The following ZNF333 variants were observed in gnomAD, a reference collection of about 807,000 sequenced individuals.
ZNF333 encodes zinc finger protein 333.
A neutral mutation model predicts 76.1 loss-of-function variants in ZNF333; 61 were observed. The ratio of observed to expected loss-of-function variants is 0.80; its 90% confidence interval spans 0.65 to 0.99. The LOEUF (loss-of-function observed/expected upper bound fraction) is 0.99. Among genes scored for constraint, ZNF333 ranks in the 50% least tolerant of loss-of-function variants. The pLI is 0.00. For synonymous variants in ZNF333, 284 were observed against 305.0 expected, an observed-to-expected ratio of 0.93 and a Z score of 0.72; for missense variants, 717 against 822.4, an observed-to-expected ratio of 0.87 and a Z score of 1.57.
intron 11 of ZNF333, among the ~76,000 whole-genome samples, chr19:14,730,716 G>C (rs2042663558): frequency 6.6e-6 from 1 of 152,008 alleles, no homozygotes; most frequent in African/African-American, 2.4e-5. Context: ...TGTTACAAGA[G>C]TATATTGCAT....
intron 7 of ZNF333, among the ~76,000 whole-genome samples, chr19:14,710,181 A>G (rs2146994222): frequency 6.6e-6 from 1 of 152,332 alleles, no homozygotes; most frequent in East Asian, 1.9e-4. Context: ...ACCTTGGCCC[A>G]TGTTCTAAGC....
chr19:14,730,266 G>A (rs1245726590), intron 11 of ZNF333, among the ~76,000 whole-genome samples: 1 of 152,058 alleles, frequency 6.6e-6, no homozygotes, highest in Non-Finnish European at 1.5e-5. Flanking sequence ...TGTTGGTCAG[G>A]CTGGTCTTGA....
At chr19:14,733,705 G>A (rs1199400447) in exon 12 of ZNF333, 1 of 152,238 alleles carries the variant, frequency 6.6e-6, no homozygotes, top group Non-Finnish European at 1.5e-5. Context: ...CCCCTCTCAG[G>A]TGTGTTTTCT....
intron 8 of ZNF333, 99 bp downstream of exon 8, chr19:14,715,569 C>T (rs948124318): frequency 5.0e-6 from 6 of 1,188,580 alleles, no homozygotes; most frequent in African/African-American, 3.0e-5. Context: ...TAGGGTTGGT[C>T]TCCATGCTTT....
At chr19:14,696,041 C>T (rs1973162188) in intron 4 of ZNF333, among the ~76,000 whole-genome samples, 1 of 152,078 alleles carries the variant, frequency 6.6e-6, no homozygotes, top group Non-Finnish European at 1.5e-5. Flanking sequence ...TGTGATGGTG[C>T]ACACCTGTAA....
rs529299145 is a variant in ZNF333 at position 14,698,264 on chromosome 19, C to G, written c.224-935C>G. 1.2e-3 allele frequency among the ~76,000 whole-genome samples: 186 copies of G among 151,474 alleles called. 1 individual carries two copies. The highest frequency in any genetic ancestry group is 8.1e-3 in the South Asian group (39 of 4,798). On this transcript the variant is annotated intron_variant, in intron 4 of 11. Coordinates refer to ENST00000292530, the MANE Select transcript of ZNF333 (RefSeq NM_032433.4). ...TGGTGCGCGCCTGTAATCCCAGCTA[C>G]TCAGGAGGTTGAGACACTAGAATCA...
chr19:14,694,076 G>T (rs987449093), intron 2 of ZNF333, among the ~76,000 whole-genome samples: 2 of 151,978 alleles, frequency 1.3e-5, no homozygotes, highest in Non-Finnish European at 2.9e-5. Flanking sequence ...AGCCACATGT[G>T]CTGGTAGCCC....
chr19:14,717,119 G>T lies in ZNF333; in HGVS notation c.823+30G>T, dbSNP rs755612817. The T allele has an allele frequency of 2.5e-6, 4 of 1,569,350 alleles. No individual in the cohort carries two copies. In the South Asian group the frequency reaches 4.6e-5, roughly 18 times the overall value. The stretch of plus-strand genomic sequence containing the variant: ...GCCCAGGCAGATCAGGTGAGCATCA[G>T]CTCTGGTCAGTAAGGGGAGTGTCCA... On this transcript the variant is annotated intron_variant, in intron 10 of 11. Transcript: ENST00000292530.
In ZNF333 at chr19:14,717,078, A is replaced by T; in HGVS notation, c.812A>T (p.Asp271Val). The T allele has an allele frequency of 6.2e-7, 1 of 1,606,216 alleles. No homozygotes were observed. Among genetic ancestry groups the T allele is most frequent in the Non-Finnish European group, 8.5e-7 (1 of 1,175,462 alleles). Residue 271 changes from aspartate (D) to valine (V), a missense_variant, in exon 10 of 12, where the codon GAC (aspartate) becomes GTC (valine). By Grantham distance (152) the Asp-to-Val change is radical. Transcript: ENST00000292530. ...QWTTDRGVLS[D>V]TCAEPQCQPQ... ...ACCACTGACAGGGGCGTCCTCTCAG[A>T]CACCTGTGCAGGTGAGCCCAGGCAG...
In ZNF333 at chr19:14,720,926, TTAAA is replaced by T; in HGVS notation, c.*1604_*1607del. ...ATATATATGTTTTGAAGCAATGAAA[TTAAA>T]TATAGATACTGACATTTTTTACATT... On this transcript the variant is annotated 3_prime_UTR_variant, in exon 12 of 12. Transcript: ENST00000292530. The T allele has an allele frequency of 2.2e-6, 2 of 893,214 alleles. No individual in the cohort carries two copies. Among genetic ancestry groups the T allele is most frequent in the Non-Finnish European group, 2.7e-6 (2 of 747,338 alleles). The allele number at this position is 893,214 out of a possible 1,614,324, so 55.3% of individuals were successfully genotyped here.
At chr19:14,729,710 G>C (rs1328273575) in intron 11 of ZNF333, among the ~76,000 whole-genome samples, 1 of 152,114 alleles carries the variant, frequency 6.6e-6, no homozygotes, top group Non-Finnish European at 1.5e-5. Context: ...GTAGAGCATG[G>C]TGACTATAGT....
chr19:14,695,563 C>CAGGA lies in ZNF333; in HGVS notation c.128-1_130dup, dbSNP rs775924230. 5 of 1,614,004 alleles carry CAGGA rather than the reference C, an allele frequency of 3.1e-6. No individual in the cohort carries two copies. The South Asian group carries it at 5.5e-5, about 18-fold the overall frequency. On this transcript the variant is annotated splice_polypyrimidine_tract_variant and splice_region_variant and intron_variant, in intron 3 of 11. Coordinates refer to ENST00000292530, the MANE Select transcript of ZNF333 (RefSeq NM_032433.4). ...CAGTGCCTGTGTCTTTCTTCATGTG[C>CAGGA]AGGAACTCCACCATGCAAACCCAGT...
chr19:14,696,408 A>G (rs961505763), intron 4 of ZNF333, among the ~76,000 whole-genome samples: 1 of 152,236 alleles, frequency 6.6e-6, no homozygotes, highest in East Asian at 1.9e-4. Context: ...ATTGTCCTAT[A>G]TAGACATTTG....
In ZNF333 at chr19:14,710,963, C is replaced by CG. The variant is rs144148699; in HGVS notation, c.511+4195dup. 3.8e-3 allele frequency among the ~76,000 whole-genome samples: 534 copies of CG among 138,826 alleles called. 13 individuals are homozygous for CG. The East Asian group carries it at 0.071, about 19-fold the overall frequency. 91.1% of individuals were successfully genotyped at this position (138,826 alleles called of 152,430 possible). A position where few individuals can be genotyped will look rare whatever the true frequency, so the allele number is the denominator to read the frequency against. On this transcript the variant is annotated intron_variant, in intron 7 of 11. Transcript: ENST00000292530. ...CACATGGTGAGGGAGGAAGCAGGAG[C>CG]GGGGGCAGTGGGGGAGGGAAGGGAA...
At chr19:14,694,984 G>A (rs1331706085) in intron 2 of ZNF333, 26 bp from the exon 3 acceptor site, 8 of 1,613,742 alleles carry the variant, frequency 5.0e-6, no homozygotes, top group East Asian at 2.2e-5. Context: ...GGTATTTGCC[G>A]AGCCAGAATG....
chr19:14,719,587 T>C lies in ZNF333; in HGVS notation c.*262T>C. 1.1e-5 allele frequency: 12 copies of C among 1,134,936 alleles called. No individual in the cohort carries two copies. The highest frequency in any genetic ancestry group is 1.3e-5 in the Non-Finnish European group (12 of 896,294). 70.3% of individuals were successfully genotyped at this position (1,134,936 alleles called of 1,614,324 possible). A position where few individuals can be genotyped will look rare whatever the true frequency, so the allele number is the denominator to read the frequency against. ...ATCTGAAGTGTACAGTTGGATGAGT[T>C]TGACAGATGCATACATGCATGTAAC... On this transcript the variant is annotated 3_prime_UTR_variant, in exon 12 of 12. Coordinates refer to ENST00000292530, the MANE Select transcript of ZNF333 (RefSeq NM_032433.4).
chr19:14,695,073 G>A lies in ZNF333; in HGVS notation c.67G>A (p.Ala23Thr), dbSNP rs186556720. ...CCAGGAGTGGGCATTGCTGGACAGC[G>A]CACGGAGGAGCCTGTGCAAATACAG... is the stretch of plus-strand genomic sequence containing the variant. The part of the protein sequence containing the change: ...FIQEWALLDS[A>T]RRSLCKYRML... The change falls in exon 3 of 12, where the codon GCA becomes ACA. Residue 23 changes from alanine to threonine, a missense_variant. Physicochemically the swap from Ala to Thr is moderately conservative, Grantham distance 58. Transcript: ENST00000292530. 6.1e-5 allele frequency: 98 copies of A among 1,614,076 alleles called. No homozygotes were observed. The African/African-American group carries it at 7.6e-4, about 13-fold the overall frequency.
chr19:14,730,871 C>A, intron 11 of ZNF333, among the ~76,000 whole-genome samples: 1 of 151,680 alleles, frequency 6.6e-6, no homozygotes, highest in African/African-American at 2.4e-5. Flanking sequence ...CACGTGTACC[C>A]AATATTTAGC....
chr19:14,718,661 C>T lies in ZNF333; in HGVS notation c.1334C>T (p.Thr445Ile), dbSNP rs768700407. Residue 445 changes from threonine (T) to isoleucine (I), a missense_variant, in exon 12 of 12, where the codon ACA (threonine) becomes ATA (isoleucine). Physicochemically the swap from Thr to Ile is moderately conservative, Grantham distance 89. Transcript: ENST00000292530. Reference sequence around the variant, plus strand: ...CTGATTTTGCACCAGAGAAACCACACAGGAGAGAAGCCCTACGAGTGTAAA... The same window carrying T: ...CTGATTTTGCACCAGAGAAACCACATAGGAGAGAAGCCCTACGAGTGTAAA... Reference protein sequence around the residue: ...FNLILHQRNHTGEKPYECKDC... With the variant: ...FNLILHQRNHIGEKPYECKDC... 7 of 1,613,824 alleles carry T rather than the reference C, an allele frequency of 4.3e-6. No individual in the cohort carries two copies. The highest frequency in any genetic ancestry group is 4.0e-5 in the African/African-American group (3 of 74,908).
Sources: allele counts gnomAD v4.1 joint callset (sites outside exome capture counted in the v4.1 genomes callset), GRCh38; gene constraint gnomAD v4.1.1; transcripts MANE v1.5; gene names NCBI Gene and HGNC (gene_info 2026-07-23, HGNC 2026-07-21).